CCDC102B: variants seen among roughly 807,000 people sequenced by gnomAD.
The protein encoded by CCDC102B is coiled-coil domain containing 102B.
CCDC102B carries 75 observed loss-of-function variants against 57.4 expected under a neutral mutation model. The ratio of observed to expected loss-of-function variants is 1.31; its 90% CI spans 1.08 to 1.58. The LOEUF (loss-of-function observed/expected upper bound fraction) is 1.58. CCDC102B is among the 40% of genes most tolerant of loss of function. The probability of loss-of-function intolerance (pLI) is 0.00; values close to 1 mark genes in which losing one functional copy is unlikely to be tolerated. For synonymous variants in CCDC102B, 206 were observed against 201.9 expected, an observed-to-expected ratio of 1.02 and a Z score of -0.17; for missense variants, 636 against 582.6, an observed-to-expected ratio of 1.09 and a Z score of -0.94.
chr18:68,812,139 A>G (rs1015791453), intron 1 of CCDC102B, among the ~76,000 whole-genome samples: 5 of 152,272 alleles, frequency 3.3e-5, no homozygotes, highest in African/African-American at 9.6e-5. Flanking sequence ...CTAAAGCTAT[A>G]TATCATGGTT....
At chr18:68,769,776 A>G (rs2144610370) in intron 2 of CCDC102B, among the ~76,000 whole-genome samples, 1 of 152,340 alleles carries the variant, frequency 6.6e-6, no homozygotes, top group East Asian at 1.9e-4. Context: ...ACCGATGCTA[A>G]AATCAAAAAC....
intron 6 of CCDC102B, among the ~76,000 whole-genome samples, chr18:68,975,216 T>C (rs1220734530): frequency 6.6e-6 from 1 of 152,094 alleles, no homozygotes; most frequent in Non-Finnish European, 1.5e-5. Context: ...TTGATTATTG[T>C]GTAAATTTTC....
chr18:68,925,915 A>G (rs2041460095), intron 6 of CCDC102B, among the ~76,000 whole-genome samples: 1 of 151,936 alleles, frequency 6.6e-6, no homozygotes, highest in Non-Finnish European at 1.5e-5. Context: ...CATTTTTTAA[A>G]GAAAACAATA....
At chr18:68,934,586 A>G (rs1032204664) in intron 6 of CCDC102B, among the ~76,000 whole-genome samples, 33 of 152,112 alleles carry the variant, frequency 2.2e-4, no homozygotes, top group African/African-American at 7.5e-4. Context: ...AGTCAATTCT[A>G]AGAGGAAATA....
upstream of CCDC102B, among the ~76,000 whole-genome samples, chr18:68,797,234 A>G (rs556977763): frequency 2.9e-4 from 44 of 152,272 alleles, no homozygotes; most frequent in African/African-American, 1.0e-3. Context: ...TAATAAGCCT[A>G]CAAATTAGGG....
intron 6 of CCDC102B, among the ~76,000 whole-genome samples, chr18:68,902,638 T>G (rs1048804124): frequency 6.6e-6 from 1 of 152,204 alleles, no homozygotes; most frequent in Non-Finnish European, 1.5e-5. Context: ...ATTGCTTGTT[T>G]ACCTGTTAGA....
chr18:68,971,158 C>T (rs1318453362), intron 6 of CCDC102B, among the ~76,000 whole-genome samples: 2 of 151,910 alleles, frequency 1.3e-5, no homozygotes, highest in Non-Finnish European at 2.9e-5. Context: ...TAATTAAATT[C>T]ATTTTGACTA....
At chr18:68,773,431 C>G (rs1219326786) in intron 2 of CCDC102B, among the ~76,000 whole-genome samples, 2 of 151,974 alleles carry the variant, frequency 1.3e-5, no homozygotes, top group Non-Finnish European at 2.9e-5. Flanking sequence ...AGTTACTCTT[C>G]TCTGACTTAT....
intron 1 of CCDC102B, among the ~76,000 whole-genome samples, chr18:68,800,676 T>G (rs932024922): frequency 6.6e-6 from 1 of 152,150 alleles, no homozygotes; most frequent in African/African-American, 2.4e-5. Flanking sequence ...TTCCTCTGTT[T>G]CTTTTTGATA....
chr18:68,837,043 T>G lies in CCDC102B; in HGVS notation c.280T>G (p.Trp94Gly). The G allele has an allele frequency of 6.2e-7, 1 of 1,614,030 alleles. No individual in the cohort carries two copies. The highest frequency in any genetic ancestry group is 2.2e-5 in the East Asian group (1 of 44,872). Residue 94 changes from tryptophan to glycine, a missense_variant, in exon 2 of 8, where the codon TGG becomes GGG. Physicochemically the swap from Trp to Gly is radical, Grantham distance 184 (BLOSUM62 -2). Coordinates refer to ENST00000360242, the MANE Select transcript of CCDC102B (RefSeq NM_024781.3). ...RAAQMEKTMR[W>G]WSDCTANWRE... is the part of the protein sequence containing the mutation. ...TGCTCAGATGGAAAAGACCATGCGG[T>G]GGTGGTCGGACTGCACTGCCAACTG...
At chr18:68,728,790 A>G (rs1329019299) in intron 2 of CCDC102B, among the ~76,000 whole-genome samples, 2 of 152,196 alleles carry the variant, frequency 1.3e-5, no homozygotes, top group Non-Finnish European at 2.9e-5. Context: ...CTGGAATTGG[A>G]TGAGAAGTTC....
chr18:68,971,133 T>A (rs12960531), intron 6 of CCDC102B, among the ~76,000 whole-genome samples: 41,541 of 151,886 alleles, frequency 0.27, 6,243 homozygotes, highest in Middle Eastern at 0.35. Flanking sequence ...TCAAAATATA[T>A]TCTTAATTAA....
intron 6 of CCDC102B, among the ~76,000 whole-genome samples, chr18:68,914,403 A>G (rs759717804): frequency 6.6e-6 from 1 of 152,160 alleles, no homozygotes; most frequent in Non-Finnish European, 1.5e-5. Context: ...AGCTGCTGGG[A>G]TAGACTCAGG....
chr18:69,028,469 C>T (rs2052052185), intron 7 of CCDC102B, among the ~76,000 whole-genome samples: 1 of 152,106 alleles, frequency 6.6e-6, no homozygotes, highest in Non-Finnish European at 1.5e-5. Flanking sequence ...GAATAGTAAA[C>T]CATGGAAATA....
chr18:69,007,548 C>A (rs2145380110), intron 6 of CCDC102B, among the ~76,000 whole-genome samples: 1 of 152,168 alleles, frequency 6.6e-6, no homozygotes, highest in African/African-American at 2.4e-5. Flanking sequence ...TGGCTTATAC[C>A]AATGGTTCTC....
At position 68,846,429 on chromosome 18, in the gene CCDC102B, G is replaced by A. The variant is rs2037862718; in HGVS notation, c.936+8G>A. 1 of 1,485,542 alleles carries A rather than the reference G, an allele frequency of 6.7e-7. No homozygotes were observed. 92.0% of individuals were successfully genotyped at this position (1,485,542 alleles called of 1,614,324 possible). A position where few individuals can be genotyped will look rare whatever the true frequency, so the allele number is the denominator to read the frequency against. On this transcript the variant is annotated splice_region_variant and intron_variant, in intron 4 of 7. Coordinates refer to ENST00000360242, the MANE Select transcript of CCDC102B (RefSeq NM_024781.3). ...CCAAAAAATGTGAAAGAGGTATGGGGGAATATGATGTAAAGGAAGAAATGA... is the reference window on the plus strand; with the variant it reads ...CCAAAAAATGTGAAAGAGGTATGGGAGAATATGATGTAAAGGAAGAAATGA...
rs78428230 is a variant in CCDC102B, at chr18:68,755,378, G to A, written c.-67+38784G>A. On this transcript the variant is annotated intron_variant, in intron 2 of 3. Coordinates refer to the CCDC102B transcript ENST00000578970. The stretch of plus-strand genomic sequence containing the variant: ...CTGTGGCTGATGTGGGCAGGCTCAA[G>A]CACTGAAAAGTTGTAATGGAAGAGA... Among the ~76,000 whole-genome samples the A allele has an allele frequency of 9.7e-4, 148 of 152,246 alleles. 1 individual carries two copies. The East Asian group carries it at 0.019, about 19-fold the overall frequency.
intron 6 of CCDC102B, among the ~76,000 whole-genome samples, chr18:68,987,961 T>G (rs2050765850): frequency 6.6e-6 from 1 of 152,180 alleles, no homozygotes; most frequent in Non-Finnish European, 1.5e-5. Flanking sequence ...GTAAATTAGT[T>G]CAGCCGCTGT....
intron 2 of CCDC102B, among the ~76,000 whole-genome samples, chr18:68,737,149 G>T (rs146430833): frequency 6.6e-6 from 1 of 152,004 alleles, no homozygotes; most frequent in Admixed American, 6.6e-5. Context: ...TCTTGAGAAG[G>T]TGTTCTCTTT....
Sources: gnomAD v4.1 joint callset for allele counts (sites outside exome capture counted in the v4.1 genomes callset) on GRCh38, gnomAD v4.1.1 for gene constraint, MANE v1.5 for transcripts, NCBI Gene and HGNC (gene_info 2026-07-23, HGNC 2026-07-21) for gene names.